The following ABCC5 variants were observed in gnomAD, a reference collection of about 807,000 sequenced individuals.
The protein encoded by ABCC5 is ATP-binding cassette sub-family C member 5.
Under a neutral mutation model 160.9 loss-of-function variants are expected in ABCC5, and 61 were observed. The ratio of observed to expected loss-of-function variants is 0.38; its 90% CI spans 0.31 to 0.47. The LOEUF (loss-of-function observed/expected upper bound fraction) is 0.47. ABCC5 is among the 20% of genes least tolerant of loss of function. ABCC5 has a pLI of 0.99. For synonymous variants in ABCC5, 666 were observed against 700.6 expected (o/e 0.95, Z 0.78); for missense variants, 1,308 against 1,813.3 (o/e 0.72, Z 5.06).
intron 22 of ABCC5, among the ~76,000 whole-genome samples, chr3:183,948,032 GC>G (rs1715011540): frequency 6.6e-6 from 1 of 152,182 alleles, no homozygotes; most frequent in Admixed American, 6.5e-5. Context: ...GGAGAAGCAA[GC>G]TAAACCACAG....
chr3:183,953,864 G>A (rs980625232), intron 17 of ABCC5, among the ~76,000 whole-genome samples: 2 of 152,170 alleles, frequency 1.3e-5, no homozygotes, highest in Admixed American at 6.5e-5. Context: ...AGATGAGGCC[G>A]ACTAAGCAGG....
At chr3:183,941,344 A>C (rs1379690188) in intron 25 of ABCC5, among the ~76,000 whole-genome samples, 1 of 152,174 alleles carries the variant, frequency 6.6e-6, no homozygotes, top group Non-Finnish European at 1.5e-5. Context: ...GAGAACAGTA[A>C]AAAGGCTTGG....
intron 5 of ABCC5, chr3:183,983,584 C>T (rs1226173507): frequency 3.6e-6 from 1 of 275,166 alleles, no homozygotes; most frequent in African/African-American, 2.3e-5. Context: ...CGACTCCCTC[C>T]CAAAAATGAA....
chr3:183,998,827 C>A (rs764866627), intron 2 of ABCC5, among the ~76,000 whole-genome samples: 2 of 152,124 alleles, frequency 1.3e-5, no homozygotes, highest in Non-Finnish European at 2.9e-5. Context: ...TAGTGGCTCA[C>A]GCCTGTAATC....
rs186805002 is a variant in ABCC5 at position 183,992,783 on chromosome 3, C to T, written c.130-3400G>A. On this transcript the variant is annotated intron_variant, in intron 2 of 29. Coordinates refer to ENST00000334444, the MANE Select transcript of ABCC5 (RefSeq NM_005688.4). Reference sequence around the variant, plus strand: ...CGGCCTGAGCGAAAGAGCGAGACTCCGTCTCAAAAAAAAAATAAAAAATAA... The same window carrying T: ...CGGCCTGAGCGAAAGAGCGAGACTCTGTCTCAAAAAAAAAATAAAAAATAA... Among the ~76,000 whole-genome samples the T allele has an allele frequency of 5.3e-3, 799 of 150,266 alleles. 22 individuals carry two copies. Among genetic ancestry groups the T allele is most frequent in the Non-Finnish European group, 1.9e-3 (131 of 67,664 alleles).
In ABCC5 at chr3:183,996,214, G is replaced by A. The variant is rs549724043; in HGVS notation, c.130-6831C>T. The stretch of plus-strand genomic sequence containing the variant: ...TGAGCATGGCATATTAGCATTAATA[G>A]GAAACCAGAATCTTCACAGCTTTCA... On this transcript the variant is annotated intron_variant, in intron 2 of 29. Transcript: ENST00000334444. Among the ~76,000 whole-genome samples the A allele has an allele frequency of 5.9e-5, 9 of 152,264 alleles. No individual in the cohort carries two copies. The East Asian group carries it at 1.7e-3, about 29-fold the overall frequency.
At chr3:183,937,293 C>G (rs1713826908) in intron 26 of ABCC5, among the ~76,000 whole-genome samples, 1 of 152,224 alleles carries the variant, frequency 6.6e-6, no homozygotes, top group Non-Finnish European at 1.5e-5. Context: ...AGGAGAATCA[C>G]TTGAACCCAG....
rs1279033080 is a variant in ABCC5, at chr3:184,017,613, C to T, written c.-56+217G>A. 6.6e-6 allele frequency among the ~76,000 whole-genome samples: 1 copy of T among 152,020 alleles called. No homozygotes were observed. Among genetic ancestry groups the T allele is most frequent in the Admixed American group, 6.6e-5 (1 of 15,266 alleles). On this transcript the variant is annotated intron_variant, in intron 1 of 29. Coordinates refer to ENST00000334444, the MANE Select transcript of ABCC5 (RefSeq NM_005688.4). The surrounding 1 kb of genome is among the most constrained non-coding windows in gnomAD (Gnocchi z 4.5). Reference sequence around the variant, plus strand: ...CATCCCGATCCTACCTGCCTGTCTTCCAGCACACGACCCCGTCACCAGACC... The same window carrying T: ...CATCCCGATCCTACCTGCCTGTCTTTCAGCACACGACCCCGTCACCAGACC...
intron 26 of ABCC5, among the ~76,000 whole-genome samples, chr3:183,935,852 A>G (rs1042021388): frequency 6.6e-6 from 1 of 152,200 alleles, no homozygotes; most frequent in African/African-American, 2.4e-5. Flanking sequence ...TATTACCTCA[A>G]TACCCAAAGA....
Position 183,981,827 on chromosome 3 carries a change from G to A in ABCC5, c.1047C>T (p.Ala349=). ...LTAYFRRKCV[A]ATDERVQKMN... is the part of the protein sequence containing the mutation. ...TCTTCTGGACACGTTCATCCGTGGC[G>A]GCCACGCATTTTCTCCTGAAATATG... Residue 349 remains alanine, a synonymous_variant, in exon 8 of 30, where the codon GCC becomes GCT. Coordinates refer to ENST00000334444, the MANE Select transcript of ABCC5 (RefSeq NM_005688.4). 1 of 1,610,382 alleles carries A rather than the reference G, an allele frequency of 6.2e-7. No individual in the cohort carries two copies. The highest frequency in any genetic ancestry group is 1.7e-5 in the Admixed American group (1 of 59,084).
intron 12 of ABCC5, among the ~76,000 whole-genome samples, chr3:183,967,044 A>G (rs1424980042): frequency 6.6e-6 from 1 of 150,878 alleles, no homozygotes; most frequent in Non-Finnish European, 1.5e-5. Flanking sequence ...TGATTCTAAA[A>G]CACAGCAATG....
chr3:183,993,483 C>CA (rs57885159), intron 2 of ABCC5, among the ~76,000 whole-genome samples: 25,913 of 104,704 alleles, frequency 0.25, 5,024 homozygotes, highest in African/African-American at 0.54. Context: ...GACCCTGTCT[C>CA]AAAAAAAAAA....
chr3:183,991,541 A>G (rs1719770932), intron 2 of ABCC5, among the ~76,000 whole-genome samples: 1 of 152,210 alleles, frequency 6.6e-6, no homozygotes, highest in Non-Finnish European at 1.5e-5. Flanking sequence ...GATCAAACAC[A>G]ATAGCTTTAG....
Position 183,924,444 on chromosome 3 carries a change from A to G in ABCC5, c.4212+1111T>C, listed in dbSNP as rs143808684. ...TATGTTGAGAGATTATATGTAAAGC[A>G]CTAAGCACAGTGCCTGACACACAGT... On this transcript the variant is annotated intron_variant, in intron 29 of 29. Coordinates refer to ENST00000334444, the MANE Select transcript of ABCC5 (RefSeq NM_005688.4). 3.5e-3 allele frequency among the ~76,000 whole-genome samples: 534 copies of G among 152,314 alleles called. 6 individuals are homozygous for G. Among genetic ancestry groups the G allele is most frequent in the East Asian group, 0.015 (76 of 5,190 alleles).
In ABCC5 at chr3:184,013,107, C is replaced by T. The variant is rs116246778; in HGVS notation, c.129+1157G>A. ...AAAGAATATTTTCTCGAGGTAAAAA[C>T]GCATCTTCATTATTTCCCTTGGAGG... On this transcript the variant is annotated intron_variant, in intron 2 of 29. Coordinates refer to ENST00000334444, the MANE Select transcript of ABCC5 (RefSeq NM_005688.4). 9.6e-3 allele frequency among the ~76,000 whole-genome samples: 1,469 copies of T among 152,260 alleles called. 19 individuals are homozygous for T. Among genetic ancestry groups the T allele is most frequent in the Middle Eastern group, 0.034 (10 of 294 alleles).
At chr3:183,984,873 T>G in intron 5 of ABCC5, 1 of 1,581,694 alleles carries the variant, frequency 6.3e-7, no homozygotes. Context: ...TCGGCACTGA[T>G]GGAGCAGTCT....
chr3:184,001,401 G>C (rs1576930855), intron 2 of ABCC5: 2 of 419,910 alleles, frequency 4.8e-6, no homozygotes, highest in Non-Finnish European at 8.5e-6. Flanking sequence ...CTAAGTCTCT[G>C]AAATCAGGTA....
At position 183,965,335 on chromosome 3, in the gene ABCC5, C is replaced by T. The variant is rs368048886; in HGVS notation, c.1958+42G>A. 9.9e-6 allele frequency: 16 copies of T among 1,613,968 alleles called. No individual in the cohort carries two copies. In the Admixed American group the frequency reaches 1.0e-4, roughly 10 times the overall value. On this transcript the variant is annotated intron_variant, in intron 13 of 29. Transcript: ENST00000334444. ...GACTAGGGCTGCCTTGCATCTCACG[C>T]GGCCAAGATGGAAAGCATGACAGAA...
rs1719329677 is a variant in ABCC5, at chr3:183,987,516, G to C, written c.591+254C>G. 1 of 618,964 alleles carries C rather than the reference G, an allele frequency of 1.6e-6. No individual in the cohort carries two copies. The highest frequency in any genetic ancestry group is 1.9e-5 in the South Asian group (1 of 52,072). The allele number at this position is 618,964 out of a possible 1,614,324, so 38.3% of individuals were successfully genotyped here. On this transcript the variant is annotated intron_variant, in intron 5 of 29. Coordinates refer to ENST00000334444, the MANE Select transcript of ABCC5 (RefSeq NM_005688.4). This position sits in a 1 kb window ranked among gnomAD's most constrained non-coding sequence, Gnocchi z 4.2. ...ACACACAACCGAGAAGCACAGTCCT[G>C]TGCAGAACTGGAGTCAGTTCCATTT...
Sources: allele counts gnomAD v4.1 joint callset (sites outside exome capture counted in the v4.1 genomes callset), GRCh38; gene constraint gnomAD v4.1.1; non-coding constraint Gnocchi (gnomAD v3.1); transcripts MANE v1.5; gene names NCBI Gene and HGNC (gene_info 2026-07-23, HGNC 2026-07-21).